Variants in ATP11C observed in about 807,000 individuals in gnomAD.
The protein encoded by ATP11C is ATPase phospholipid transporting 11C (ATP11C blood group), also known as phospholipid-transporting ATPase IG.
ATP11C carries 36 observed loss-of-function variants against 97.4 expected under a neutral mutation model. That is an observed-to-expected ratio of 0.37 (90% CI 0.28 to 0.49). The LOEUF (loss-of-function observed/expected upper bound fraction) is 0.49, where lower values mean the gene tolerates loss of function less well. Ranked by LOEUF, ATP11C falls within the 20% of genes least tolerant of loss-of-function variation. The pLI, the probability that ATP11C is intolerant of heterozygous loss-of-function variation, is 0.98. For synonymous variants in ATP11C, 275 were observed against 290.9 expected, an observed-to-expected ratio of 0.95 and a Z score of 0.56; for missense variants, 730 against 824.6, an observed-to-expected ratio of 0.89 and a Z score of 1.40.
At chrX:139,799,388 T>C (rs1442707291) in intron 8 of ATP11C, among the ~76,000 whole-genome samples, 1 of 111,457 alleles carries the variant, frequency 9.0e-6, no homozygotes, top group Non-Finnish European at 1.9e-5. Flanking sequence ...TTCCAGCATT[T>C]TACCCACTGC....
At chrX:139,764,257 G>A (rs180710743) in intron 20 of ATP11C, among the ~76,000 whole-genome samples, 40 of 112,426 alleles carry the variant, frequency 3.6e-4, no homozygotes, top group African/African-American at 1.3e-3. Context: ...CCTCTCCTAC[G>A]AGTAGCTGTA....
chrX:139,865,213 T>A (rs1301405229), intron 1 of ATP11C, among the ~76,000 whole-genome samples: 1 of 110,515 alleles, frequency 9.0e-6, no homozygotes, highest in African/African-American at 3.3e-5. Flanking sequence ...AAATTAAAAT[T>A]AAAAAAAATT....
Position 139,796,489 on chromosome X carries a change from T to C in ATP11C, c.1009-19A>G. Reference sequence around the variant, plus strand: ...TTAAAACCTAAAATAAAAGAGATAGTTCATGCTAATTAGACATACAATTTC... The same window carrying C: ...TTAAAACCTAAAATAAAAGAGATAGCTCATGCTAATTAGACATACAATTTC... On this transcript the variant is annotated intron_variant, in intron 11 of 29. Transcript: ENST00000682941. 9.9e-7 allele frequency: 1 copy of C among 1,011,992 alleles called. No homozygotes were observed. Among genetic ancestry groups the C allele is most frequent in the Non-Finnish European group, 1.4e-6 (1 of 725,439 alleles). The allele number at this position is 1,011,992 out of a possible 1,213,427, so 83.4% of individuals were successfully genotyped here.
At chrX:139,839,946 C>G (rs1171775335) in intron 1 of ATP11C, among the ~76,000 whole-genome samples, 2 of 110,926 alleles carry the variant, frequency 1.8e-5, no homozygotes, top group African/African-American at 3.3e-5. Context: ...ATACTCTTCC[C>G]TCTTTACCTG....
chrX:139,782,629 C>T lies in ATP11C; in HGVS notation c.1870G>A (p.Asp624Asn). 2 of 1,202,037 alleles carry T rather than the reference C, an allele frequency of 1.7e-6. No homozygotes were observed. Among genetic ancestry groups the T allele is most frequent in the South Asian group, 3.5e-5 (2 of 56,372 alleles). The change falls in exon 18 of 30, where the codon GAC (aspartate) becomes AAC (asparagine). Residue 624 changes from aspartate to asparagine, a missense_variant. By Grantham distance (23) the Asp-to-Asn change is conservative (BLOSUM62 1). Transcript: ENST00000682941. ...QLIEAKMALQ[D>N]REEKMEKVFD... The stretch of plus-strand genomic sequence containing the variant: ...ACTTTTTCCATTTTTTCTTCTCTGT[C>T]TTGTAAGGCCATTTTTGCCTCTATG...
intron 27 of ATP11C, among the ~76,000 whole-genome samples, chrX:139,740,123 T>C (rs746998903): frequency 1.0e-3 from 114 of 111,838 alleles, no homozygotes; most frequent in South Asian, 1.0e-2. Context: ...CTCAAAGCAA[T>C]GAAAATATGT....
At chrX:139,863,755 AT>A (rs1291664604) in intron 1 of ATP11C, among the ~76,000 whole-genome samples, 9 of 110,562 alleles carry the variant, frequency 8.1e-5, no homozygotes, top group African/African-American at 3.0e-4. Context: ...TTCTTAAAAT[AT>A]TTTTTAAGAA....
intron 1 of ATP11C, among the ~76,000 whole-genome samples, chrX:139,899,957 A>T: frequency 8.9e-6 from 1 of 111,935 alleles, no homozygotes; most frequent in Middle Eastern, 4.6e-3. Context: ...ATTAAGAGCC[A>T]GCGGCAAAAT....
chrX:139,808,484 A>C (rs1256439311), intron 5 of ATP11C, among the ~76,000 whole-genome samples: 5 of 112,023 alleles, frequency 4.5e-5, no homozygotes, highest in Non-Finnish European at 9.4e-5. Context: ...AAGGCATCAA[A>C]GAAATATTAT....
chrX:139,818,269 T>C (rs1343858859), intron 3 of ATP11C, among the ~76,000 whole-genome samples: 1 of 112,255 alleles, frequency 8.9e-6, no homozygotes, highest in East Asian at 2.8e-4. Context: ...TACATAACTG[T>C]TATGTGACTG....
chrX:139,782,487 G>T, intron 18 of ATP11C, 60 bp downstream of exon 18: 10 of 813,959 alleles, frequency 1.2e-5, no homozygotes, highest in Non-Finnish European at 1.7e-5. Context: ...TACTAATCTG[G>T]GGCAGATCAC....
intron 28 of ATP11C, among the ~76,000 whole-genome samples, 170 bp from the exon 29 acceptor site, chrX:139,731,925 T>C (rs1388502661): frequency 2.7e-5 from 3 of 111,824 alleles, no homozygotes; most frequent in Non-Finnish European, 3.8e-5. Flanking sequence ...TTCAAATGAA[T>C]ACATTCAAAG....
chrX:139,877,447 A>G lies in ATP11C; in HGVS notation c.28-50624T>C, dbSNP rs780283483. ...TGCGGCTAAGAAGAGACATGTCAAT[A>G]TAAGAGCAACCTTGTTATTTCCGGC... On this transcript the variant is annotated intron_variant, in intron 1 of 29. Coordinates refer to ENST00000682941, the MANE Select transcript of ATP11C (RefSeq NM_001353812.2). Among the ~76,000 whole-genome samples the G allele has an allele frequency of 3.6e-5, 4 of 111,940 alleles. No individual in the cohort carries two copies. In the South Asian group the frequency reaches 1.5e-3, roughly 42 times the overall value.
intron 2 of ATP11C, 98 bp from the exon 3 acceptor site, chrX:139,819,525 A>G: frequency 2.9e-6 from 1 of 341,741 alleles, no homozygotes; most frequent in Non-Finnish European, 5.2e-6. Flanking sequence ...ATATAAAGTG[A>G]TATTTAGTAT....
chrX:139,732,113 G>A (rs771822562), intron 28 of ATP11C, among the ~76,000 whole-genome samples: 10 of 110,250 alleles, frequency 9.1e-5, no homozygotes, highest in South Asian at 3.9e-4. Context: ...GAGTTGTGCC[G>A]GTGCCGTATT....
At chrX:139,817,370 G>GT (rs2083307682) in intron 3 of ATP11C, among the ~76,000 whole-genome samples, 1 of 110,247 alleles carries the variant, frequency 9.1e-6, no homozygotes, top group Non-Finnish European at 1.9e-5. Context: ...GTAAACAGGA[G>GT]TTAACTAGAC....
At chrX:139,794,067 G>A (rs1027055686) in intron 12 of ATP11C, among the ~76,000 whole-genome samples, 1 of 111,693 alleles carries the variant, frequency 9.0e-6, no homozygotes, top group African/African-American at 3.3e-5. Context: ...GTAGCCCCAC[G>A]GGTTTTTCAA....
At chrX:139,870,912 C>G (rs111638162) in intron 1 of ATP11C, among the ~76,000 whole-genome samples, 1 of 108,508 alleles carries the variant, frequency 9.2e-6, no homozygotes, top group Non-Finnish European at 1.9e-5. Context: ...AAAAATTAGC[C>G]GGGCGCGGTG....
Position 139,793,319 on chromosome X carries a change from C to T in ATP11C, c.1206+2954G>A, listed in dbSNP as rs1001840486. On this transcript the variant is annotated intron_variant, in intron 12 of 29. Coordinates refer to ENST00000682941, the MANE Select transcript of ATP11C (RefSeq NM_001353812.2). ...AAATGTAATCTCATTATGTTTGCTA[C>T]GTAATCTATTTTTCTCACACACATA... Among the ~76,000 whole-genome samples the T allele has an allele frequency of 3.6e-5, 4 of 111,803 alleles. No homozygotes were observed. In the Admixed American group the frequency reaches 3.8e-4, roughly 11 times the overall value.
Sources: gnomAD v4.1 joint callset for allele counts (sites outside exome capture counted in the v4.1 genomes callset) on GRCh38, gnomAD v4.1.1 for gene constraint, MANE v1.5 for transcripts, NCBI Gene and HGNC (gene_info 2026-07-23, HGNC 2026-07-21) for gene names.